The following MSN variants were observed in gnomAD, a reference collection of about 807,000 sequenced individuals.
The protein encoded by MSN is epididymis luminal protein 70.
In MSN, 2 loss-of-function variants were observed where a neutral mutation model predicts 48.0. The ratio of observed to expected loss-of-function variants is 0.04; its 90% confidence interval spans 0.02 to 0.13. The LOEUF is 0.13. MSN is among the 10% of genes least tolerant of loss of function. The pLI is 1.00. For synonymous variants in MSN, 146 were observed against 166.9 expected, an observed-to-expected ratio of 0.87 and a Z score of 0.97; for missense variants, 267 against 470.1, an observed-to-expected ratio of 0.57 and a Z score of 3.99.
chrX:65,627,712 A>C (rs2070519406), intron 1 of MSN, among the ~76,000 whole-genome samples: 2 of 111,232 alleles, frequency 1.8e-5, no homozygotes, highest in African/African-American at 6.6e-5. Context: ...CCTTCCCAAC[A>C]GTCCCCAAAA....
chrX:65,650,716 G>T (rs1399604611), intron 1 of MSN, among the ~76,000 whole-genome samples: 1 of 112,437 alleles, frequency 8.9e-6, no homozygotes, highest in Admixed American at 9.4e-5. Flanking sequence ...AGTTTACCAT[G>T]TGTCCCGTAA....
intron 1 of MSN, among the ~76,000 whole-genome samples, chrX:65,692,324 G>C (rs1439782518): frequency 1.8e-5 from 2 of 112,567 alleles, no homozygotes; most frequent in Non-Finnish European, 3.8e-5. Flanking sequence ...CCTAGTATGA[G>C]AATGGAATGA....
At chrX:65,604,372 A>G (rs1420319730) in intron 1 of MSN, among the ~76,000 whole-genome samples, 3 of 111,779 alleles carry the variant, frequency 2.7e-5, no homozygotes, top group Non-Finnish European at 3.8e-5. Flanking sequence ...GTGCAGGGTT[A>G]GAGATAGAAT....
chrX:65,607,669 CCT>C (rs1441007364), intron 1 of MSN, among the ~76,000 whole-genome samples: 2 of 111,369 alleles, frequency 1.8e-5, no homozygotes, highest in African/African-American at 6.5e-5. Flanking sequence ...TGGGTAAGGT[CCT>C]GTCTCCATGC....
At chrX:65,647,767 CAG>C (rs1332929254) in intron 1 of MSN, among the ~76,000 whole-genome samples, 3 of 111,517 alleles carry the variant, frequency 2.7e-5, no homozygotes, top group African/African-American at 3.3e-5. Context: ...CAAGCAGTGA[CAG>C]AGAGAGTTGG....
At chrX:65,589,948 C>A (rs905987325) in intron 1 of MSN, among the ~76,000 whole-genome samples, 8 of 109,445 alleles carry the variant, frequency 7.3e-5, no homozygotes, top group African/African-American at 2.3e-4. Context: ...TCAATGCAAC[C>A]TCTGCCTCCT....
chrX:65,739,271 G>T, intron 12 of MSN, 77 bp downstream of exon 12: 2 of 966,256 alleles, frequency 2.1e-6, no homozygotes, highest in South Asian at 4.5e-5. Context: ...AGACCATCAT[G>T]GGGGATAGGT....
chrX:65,657,644 T>C (rs2070791662), intron 1 of MSN, among the ~76,000 whole-genome samples: 1 of 112,092 alleles, frequency 8.9e-6, no homozygotes, highest in East Asian at 2.8e-4. Flanking sequence ...GTGTGATTAA[T>C]AATAAATATT....
chrX:65,623,079 G>A (rs1340560458), intron 1 of MSN, among the ~76,000 whole-genome samples: 1 of 108,603 alleles, frequency 9.2e-6, no homozygotes, highest in Non-Finnish European at 1.9e-5. Context: ...TAGGTTGAAT[G>A]TTCCTTCAAT....
chrX:65,666,077 A>G (rs368071416), upstream of MSN, among the ~76,000 whole-genome samples: 19 of 109,901 alleles, frequency 1.7e-4, no homozygotes, highest in Admixed American at 1.4e-3. Context: ...CAGTGGCCCA[A>G]TCTGGGCTCA....
chrX:65,667,639 C>T (rs765604306), upstream of MSN: 5 of 1,014,975 alleles, frequency 4.9e-6, no homozygotes, highest in East Asian at 1.9e-4. Flanking sequence ...AAGGAGCGGG[C>T]GGCGCGACAG....
chrX:65,617,413 C>A (rs2070385023), intron 1 of MSN, among the ~76,000 whole-genome samples: 1 of 106,537 alleles, frequency 9.4e-6, no homozygotes, highest in African/African-American at 3.9e-5. Flanking sequence ...AGAGATTCAA[C>A]TTCTTCCTGG....
chrX:65,728,796 A>G (rs950148643), intron 3 of MSN, among the ~76,000 whole-genome samples: 37 of 111,782 alleles, frequency 3.3e-4, no homozygotes, highest in African/African-American at 1.1e-3. Flanking sequence ...CCCAAGCAGC[A>G]TCTTCACGGG....
chrX:65,733,076 G>A lies in MSN; in HGVS notation c.699-108G>A, dbSNP rs369485002. 3.0e-3 allele frequency: 1,554 copies of A among 516,437 alleles called. 33 individuals are homozygous for A. In the South Asian group the frequency reaches 0.057, roughly 19 times the overall value. The allele number at this position is 516,437 out of a possible 1,213,427, so 42.6% of individuals were successfully genotyped here. On this transcript the variant is annotated intron_variant, in intron 6 of 12. Coordinates refer to ENST00000360270, the MANE Select transcript of MSN (RefSeq NM_002444.3). ...TATTTATTTTAAAAAAAAAAAAAGA[G>A]AGAGAGAGACATAGAAGCTTGGAGG...
intron 9 of MSN, 42 bp from the exon 10 acceptor site, chrX:65,737,136 C>T (rs1338063551): frequency 9.3e-6 from 11 of 1,182,092 alleles, no homozygotes; most frequent in Non-Finnish European, 1.3e-5. Flanking sequence ...TCGTCTTTAT[C>T]TCTGTGCTCT....
At chrX:65,622,487 C>G (rs1569455267) in intron 1 of MSN, among the ~76,000 whole-genome samples, 1 of 105,512 alleles carries the variant, frequency 9.5e-6, no homozygotes, top group African/African-American at 3.5e-5. Flanking sequence ...TTTTGAATAG[C>G]AGTGATGAAG....
intron 1 of MSN, among the ~76,000 whole-genome samples, chrX:65,602,006 CAGTT>C (rs769678514): frequency 4.5e-5 from 5 of 111,762 alleles, no homozygotes; most frequent in Non-Finnish European, 7.5e-5. Flanking sequence ...GGAAGCAAGA[CAGTT>C]AGGGCCTACT....
chrX:65,616,876 G>A (rs1246403080), intron 1 of MSN, among the ~76,000 whole-genome samples: 8 of 109,469 alleles, frequency 7.3e-5, no homozygotes, highest in Admixed American at 2.9e-4. Context: ...TTTGAAATAC[G>A]TCCCATCAAT....
rs975371184 is a variant in MSN, at chrX:65,711,172, C to T, written c.13-5646C>T. On this transcript the variant is annotated intron_variant, in intron 1 of 12. Transcript: ENST00000360270. Reference sequence around the variant, plus strand: ...CTCCCAGGTTCAAGGGATTCTCCGACCTCAGCCTCCCAAGTAGCTGGGATT... The same window carrying T: ...CTCCCAGGTTCAAGGGATTCTCCGATCTCAGCCTCCCAAGTAGCTGGGATT... Among the ~76,000 whole-genome samples, 5 of 112,096 alleles carry T rather than the reference C, an allele frequency of 4.5e-5. No individual in the cohort carries two copies. The East Asian group carries it at 1.4e-3, about 31-fold the overall frequency.
Sources: gnomAD v4.1 joint callset for allele counts (sites outside exome capture counted in the v4.1 genomes callset) on GRCh38, gnomAD v4.1.1 for gene constraint, MANE v1.5 for transcripts, NCBI Gene and HGNC (gene_info 2026-07-23, HGNC 2026-07-21) for gene names.